AGBL4: variants seen among roughly 807,000 people sequenced by gnomAD.
The protein encoded by AGBL4 is AGBL carboxypeptidase 4, also known as cytosolic carboxypeptidase 6.
In AGBL4, 58 loss-of-function variants were observed where a neutral mutation model predicts 66.4. The observed-to-expected ratio is 0.87, with a 90% CI of 0.71 to 1.09. AGBL4 has a LOEUF of 1.09. AGBL4 is among the 50% of genes least tolerant of loss of function. The probability of loss-of-function intolerance (pLI) is 0.00; values close to 1 mark genes in which losing one functional copy is unlikely to be tolerated. For missense variants in AGBL4, 579 were observed against 631.0 expected, an observed-to-expected ratio of 0.92 and a Z score of 0.88; for synonymous variants, 234 against 222.9, an observed-to-expected ratio of 1.05 and a Z score of -0.44.
At chr1:49,348,584 A>G (rs779176119) in intron 3 of AGBL4, among the ~76,000 whole-genome samples, 1 of 152,242 alleles carries the variant, frequency 6.6e-6, no homozygotes, top group Admixed American at 6.5e-5. Flanking sequence ...CAGAAGCTGG[A>G]AGAGGCAAGG....
At chr1:49,143,483 A>C (rs1472829883) in intron 4 of AGBL4, among the ~76,000 whole-genome samples, 1 of 152,150 alleles carries the variant, frequency 6.6e-6, no homozygotes, top group Admixed American at 6.6e-5. Flanking sequence ...TCTCTGCATC[A>C]GTTGCATTTG....
At chr1:48,631,194 T>C (rs1645587225) in intron 9 of AGBL4, among the ~76,000 whole-genome samples, 1 of 152,188 alleles carries the variant, frequency 6.6e-6, no homozygotes, top group Non-Finnish European at 1.5e-5. Flanking sequence ...AGTTCAGGGT[T>C]GAGTGACTAT....
chr1:48,591,101 C>CCA (rs1644912988), intron 9 of AGBL4, 116 bp from the exon 10 acceptor site: 1 of 799,168 alleles, frequency 1.3e-6, no homozygotes, highest in South Asian at 1.9e-5. Flanking sequence ...CCCCCCCCCA[C>CCA]ACACACACAC....
chr1:48,699,276 T>A (rs1213979774), intron 6 of AGBL4, among the ~76,000 whole-genome samples: 1 of 152,146 alleles, frequency 6.6e-6, no homozygotes, highest in African/African-American at 2.4e-5. Flanking sequence ...AGCCCCTGAG[T>A]TTTGTTCTCT....
At chr1:49,207,021 C>G (rs1648204026) in intron 4 of AGBL4, among the ~76,000 whole-genome samples, 1 of 151,982 alleles carries the variant, frequency 6.6e-6, no homozygotes, top group Non-Finnish European at 1.5e-5. Context: ...AGCTTATGAT[C>G]TCAAGATGAA....
intron 3 of AGBL4, among the ~76,000 whole-genome samples, chr1:49,519,532 GCA>G (rs1272786626): frequency 6.6e-6 from 1 of 152,014 alleles, no homozygotes; most frequent in Non-Finnish European, 1.5e-5. Flanking sequence ...GTAAGAAATA[GCA>G]CAGACTAGAA....
chr1:49,606,807 C>A (rs908058645), intron 3 of AGBL4, among the ~76,000 whole-genome samples: 1 of 152,166 alleles, frequency 6.6e-6, no homozygotes, highest in South Asian at 2.1e-4. Flanking sequence ...CCAAAACTTG[C>A]TTGTCTCAAA....
intron 4 of AGBL4, among the ~76,000 whole-genome samples, chr1:49,172,179 T>G (rs1646750994): frequency 6.6e-6 from 1 of 152,204 alleles, no homozygotes; most frequent in Non-Finnish European, 1.5e-5. Flanking sequence ...ATGGACACTT[T>G]GTTCTTTCAT....
chr1:49,555,204 G>A (rs770380443), intron 3 of AGBL4, among the ~76,000 whole-genome samples: 1 of 152,036 alleles, frequency 6.6e-6, no homozygotes, highest in African/African-American at 2.4e-5. Flanking sequence ...GCTGATTGGT[G>A]CATTTACAAA....
rs1405776337 is a variant in AGBL4, at chr1:49,453,178, G to T, written c.283-207314C>A. ...AACAAAACTTCTTCTTCTTCTAAAG[G>T]GGTATTAACCATACAATGTCACCAT... is the stretch of plus-strand genomic sequence containing the variant. On this transcript the variant is annotated intron_variant, in intron 3 of 13. Coordinates refer to ENST00000371839, the MANE Select transcript of AGBL4 (RefSeq NM_032785.4). 4.0e-5 allele frequency among the ~76,000 whole-genome samples: 6 copies of T among 151,696 alleles called. No homozygotes were observed. In the South Asian group the frequency reaches 8.3e-4, roughly 21 times the overall value.
chr1:49,548,676 G>C (rs1652705896), intron 3 of AGBL4, among the ~76,000 whole-genome samples: 1 of 152,136 alleles, frequency 6.6e-6, no homozygotes, highest in South Asian at 2.1e-4. Flanking sequence ...AATTTGATTA[G>C]CTAGTATTTT....
chr1:48,700,071 AC>A (rs200968457), intron 6 of AGBL4, among the ~76,000 whole-genome samples: 3,524 of 152,158 alleles, frequency 0.023, 68 homozygotes, highest in Middle Eastern at 0.065. Context: ...GAGCCACTGC[AC>A]CCGGATGTTA....
At chr1:49,508,765 G>A (rs1158837144) in intron 3 of AGBL4, among the ~76,000 whole-genome samples, 2 of 151,828 alleles carry the variant, frequency 1.3e-5, no homozygotes, top group Non-Finnish European at 2.9e-5. Context: ...TGATTATTGT[G>A]AACATTAAGA....
chr1:48,882,437 AAT>A (rs1478317860), intron 5 of AGBL4, among the ~76,000 whole-genome samples: 1 of 152,326 alleles, frequency 6.6e-6, no homozygotes, highest in East Asian at 1.9e-4. Context: ...TACAGTGTAT[AAT>A]ATGTTTTAAT....
chr1:49,055,965 C>A (rs1278148324), intron 4 of AGBL4, among the ~76,000 whole-genome samples: 2 of 152,058 alleles, frequency 1.3e-5, no homozygotes, highest in African/African-American at 4.8e-5. Context: ...CAACTGCCAA[C>A]CTGATCGCTC....
At chr1:49,293,536 TA>T (rs1009532278) in intron 3 of AGBL4, among the ~76,000 whole-genome samples, 1 of 152,130 alleles carries the variant, frequency 6.6e-6, no homozygotes, top group Non-Finnish European at 1.5e-5. Flanking sequence ...TAGTCTCCAA[TA>T]AAAAAAGTTT....
chr1:49,876,925 G>C (rs1211465501), intron 1 of AGBL4, among the ~76,000 whole-genome samples: 1 of 151,378 alleles, frequency 6.6e-6, no homozygotes, highest in Non-Finnish European at 1.5e-5. Flanking sequence ...AAGCAATTGT[G>C]AATGGGAGTT....
At chr1:49,052,417 G>T (rs1330787189) in intron 4 of AGBL4, among the ~76,000 whole-genome samples, 1 of 152,168 alleles carries the variant, frequency 6.6e-6, no homozygotes, top group Non-Finnish European at 1.5e-5. Context: ...CAAGGAGCTA[G>T]GAGTTGGATT....
At chr1:49,431,071 C>A (rs570481083) in intron 3 of AGBL4, among the ~76,000 whole-genome samples, 1 of 152,200 alleles carries the variant, frequency 6.6e-6, no homozygotes, top group Admixed American at 6.5e-5. Context: ...TCAGCATGGA[C>A]ATATAATAAA....
Sources: gnomAD v4.1 joint callset for allele counts (sites outside exome capture counted in the v4.1 genomes callset) on GRCh38, gnomAD v4.1.1 for gene constraint, MANE v1.5 for transcripts, NCBI Gene and HGNC (gene_info 2026-07-23, HGNC 2026-07-21) for gene names.